Variants in PSME3IP1 observed in about 807,000 individuals in gnomAD.
The protein encoded by PSME3IP1 is PSME3-interacting protein.
Under a neutral mutation model 34.1 loss-of-function variants are expected in PSME3IP1, and 13 were observed. That is an observed-to-expected ratio of 0.38 (90% CI 0.25 to 0.61). The LOEUF is 0.61. Among genes scored for constraint, PSME3IP1 ranks in the 20% least tolerant of loss-of-function variants. PSME3IP1 has a pLI of 0.60. For synonymous variants in PSME3IP1, 93 were observed against 114.3 expected, an observed-to-expected ratio of 0.81 and a Z score of 1.19; for missense variants, 237 against 301.4, an observed-to-expected ratio of 0.79 and a Z score of 1.58.
intron 6 of PSME3IP1, among the ~76,000 whole-genome samples, chr16:57,161,282 A>C (rs2071194648): frequency 6.6e-6 from 1 of 152,212 alleles, no homozygotes. Flanking sequence ...TATAGTGATC[A>C]AGACTGTGTG....
At chr16:57,173,598 C>T in intron 2 of PSME3IP1, 130 bp downstream of exon 2, 1 of 1,133,208 alleles carries the variant, frequency 8.8e-7, no homozygotes, top group Non-Finnish European at 1.2e-6. Flanking sequence ...CACTGCACTC[C>T]AGCCTGGGCA....
intron 6 of PSME3IP1, among the ~76,000 whole-genome samples, chr16:57,161,650 C>T (rs1266343564): frequency 4.7e-5 from 7 of 150,518 alleles, no homozygotes; most frequent in Non-Finnish European, 8.9e-5. Flanking sequence ...GTAGCTGGGA[C>T]TACAGGCATC....
chr16:57,172,476 A>G (rs1445500449), intron 3 of PSME3IP1, 104 bp from the exon 4 acceptor site: 8 of 1,274,540 alleles, frequency 6.3e-6, no homozygotes, highest in Middle Eastern at 2.0e-4. Flanking sequence ...GGGGATTAAA[A>G]AAAAAAGAAC....
intron 1 of PSME3IP1, chr16:57,174,137 T>C: frequency 3.4e-6 from 1 of 292,496 alleles, no homozygotes; most frequent in Non-Finnish European, 6.5e-6. Context: ...CTACTAAAAA[T>C]ACAAAAATTA....
chr16:57,161,392 C>G (rs1432933098), intron 6 of PSME3IP1, among the ~76,000 whole-genome samples: 1 of 152,052 alleles, frequency 6.6e-6, no homozygotes, highest in Non-Finnish European at 1.5e-5. Flanking sequence ...AAATATAAAC[C>G]ACTGAGTCGT....
chr16:57,176,678 CT>C (rs1408390830), intron 1 of PSME3IP1, among the ~76,000 whole-genome samples: 7 of 152,124 alleles, frequency 4.6e-5, no homozygotes, highest in Non-Finnish European at 7.4e-5. Flanking sequence ...TAATTTGTTG[CT>C]TTTCTGAGCC....
At chr16:57,178,280 T>A (rs1164835399) in intron 1 of PSME3IP1, among the ~76,000 whole-genome samples, 1 of 152,182 alleles carries the variant, frequency 6.6e-6, no homozygotes, top group Non-Finnish European at 1.5e-5. Context: ...CCGCCCAGAA[T>A]CAGACTAAAG....
At chr16:57,170,198 T>C (rs1046295207) in intron 4 of PSME3IP1, among the ~76,000 whole-genome samples, 12 of 150,890 alleles carry the variant, frequency 8.0e-5, no homozygotes, top group African/African-American at 2.9e-4. Context: ...TTCTCCTGCC[T>C]CAGCCTCCTG....
chr16:57,183,062 G>A (rs1375909479), intron 1 of PSME3IP1, among the ~76,000 whole-genome samples: 1 of 152,148 alleles, frequency 6.6e-6, no homozygotes, highest in African/African-American at 2.4e-5. Context: ...AGTAAAACTA[G>A]GTTACAGGCC....
chr16:57,170,608 A>G (rs1181209733), intron 4 of PSME3IP1, among the ~76,000 whole-genome samples: 1 of 152,238 alleles, frequency 6.6e-6, no homozygotes, highest in Non-Finnish European at 1.5e-5. Flanking sequence ...TTATTCACAT[A>G]TTTACTGAGA....
intron 6 of PSME3IP1, among the ~76,000 whole-genome samples, chr16:57,155,207 CTG>C (rs2070375719): frequency 6.6e-6 from 1 of 152,166 alleles, no homozygotes; most frequent in Admixed American, 6.5e-5. Flanking sequence ...AATGAGAAAA[CTG>C]AAGCCTGTCA....
At chr16:57,169,990 G>A (rs1298911797) in intron 4 of PSME3IP1, among the ~76,000 whole-genome samples, 6 of 151,846 alleles carry the variant, frequency 4.0e-5, no homozygotes, top group African/African-American at 1.5e-4. Context: ...AACAGAACTG[G>A]GACTGGAAGC....
At chr16:57,163,960 T>C (rs762248804) in intron 6 of PSME3IP1, 41 bp downstream of exon 6, 1 of 1,571,158 alleles carries the variant, frequency 6.4e-7, no homozygotes, top group Non-Finnish European at 8.8e-7. Context: ...GTGGTTCATG[T>C]GTATTCTGAG....
intron 1 of PSME3IP1, among the ~76,000 whole-genome samples, chr16:57,183,496 C>T (rs562810685): frequency 1.4e-3 from 215 of 152,134 alleles, no homozygotes; most frequent in Middle Eastern, 0.01. Context: ...CCATGACTGG[C>T]TAATTTTTGT....
intron 1 of PSME3IP1, among the ~76,000 whole-genome samples, chr16:57,182,832 C>G (rs990160162): frequency 5.9e-5 from 9 of 152,076 alleles, no homozygotes; most frequent in Non-Finnish European, 8.8e-5. Context: ...GTTGCTTGAA[C>G]CCGGGAGGCG....
chr16:57,160,824 A>G (rs1266198499), intron 6 of PSME3IP1, among the ~76,000 whole-genome samples: 1 of 152,256 alleles, frequency 6.6e-6, no homozygotes, highest in African/African-American at 2.4e-5. Flanking sequence ...TGAAAACAGT[A>G]TATAATGTAT....
intron 1 of PSME3IP1, among the ~76,000 whole-genome samples, chr16:57,176,672 T>C (rs1253651686): frequency 6.6e-6 from 1 of 152,220 alleles, no homozygotes; most frequent in Non-Finnish European, 1.5e-5. Context: ...TCCTCCTAAT[T>C]TGTTGCTTTT....
At chr16:57,172,598 CA>C (rs2145808551) in intron 3 of PSME3IP1, among the ~76,000 whole-genome samples, 177 bp downstream of exon 3, 1 of 152,112 alleles carries the variant, frequency 6.6e-6, no homozygotes, top group Admixed American at 6.6e-5. Context: ...GAGCTCTAAA[CA>C]AAAATATTCA....
At chr16:57,164,118 C>CT in intron 5 of PSME3IP1, 53 bp from the exon 6 acceptor site, 3 of 1,539,464 alleles carry the variant, frequency 1.9e-6, no homozygotes, top group Non-Finnish European at 1.8e-6. Flanking sequence ...TGGATCAAAG[C>CT]TTAGGGAATC....
Sources: gnomAD v4.1 joint callset for allele counts (sites outside exome capture counted in the v4.1 genomes callset) on GRCh38, gnomAD v4.1.1 for gene constraint, MANE v1.5 for transcripts, NCBI Gene and HGNC (gene_info 2026-07-23, HGNC 2026-07-21) for gene names.